The following ATP8B1 variants were observed in gnomAD, a reference collection of about 807,000 sequenced individuals.
ATP8B1 encodes ATPase phospholipid transporting 8B1.
Under a neutral mutation model 149.9 loss-of-function variants are expected in ATP8B1, and 80 were observed. The observed-to-expected ratio is 0.53, with a 90% CI of 0.45 to 0.64. ATP8B1 has a LOEUF of 0.64. Among genes scored for constraint, ATP8B1 ranks in the 30% least tolerant of loss-of-function variants. The pLI is 0.00. For missense variants in ATP8B1, 1,247 were observed against 1,552.6 expected, an observed-to-expected ratio of 0.80 and a Z score of 3.31; for synonymous variants, 536 against 562.8, an observed-to-expected ratio of 0.95 and a Z score of 0.67.
chr18:57,736,619 C>A (rs1258161733), intron 1 of ATP8B1, among the ~76,000 whole-genome samples: 2 of 91,950 alleles, frequency 2.2e-5, no homozygotes, highest in Non-Finnish European at 4.0e-5. Context: ...TGCCACCATG[C>A]CTATTTTTTT....
chr18:57,798,287 G>C, intron 1 of ATP8B1, among the ~76,000 whole-genome samples: 1 of 151,982 alleles, frequency 6.6e-6, no homozygotes, highest in East Asian at 1.9e-4. Flanking sequence ...AAAAAACCAG[G>C]AGTGTGGGTC....
intron 1 of ATP8B1, among the ~76,000 whole-genome samples, chr18:57,756,192 CATATATAT>C (rs147263393): frequency 0.011 from 951 of 84,742 alleles, 60 homozygotes; most frequent in African/African-American, 0.04. Flanking sequence ...ATTTCCACAA[CATATATAT>C]ATATATATAT....
intron 1 of ATP8B1, among the ~76,000 whole-genome samples, chr18:57,756,897 T>C (rs1307042835): frequency 6.6e-6 from 1 of 152,238 alleles, no homozygotes; most frequent in Non-Finnish European, 1.5e-5. Context: ...GTATGTATTT[T>C]TTGAACTTGT....
At chr18:57,680,402 A>C (rs1346477663) in intron 15 of ATP8B1, among the ~76,000 whole-genome samples, 1 of 149,832 alleles carries the variant, frequency 6.7e-6, no homozygotes, top group East Asian at 2.0e-4. Context: ...CCTGACCAAC[A>C]TGGAGAAACC....
At chr18:57,696,984 G>C (rs1912848278) in intron 8 of ATP8B1, among the ~76,000 whole-genome samples, 1 of 152,182 alleles carries the variant, frequency 6.6e-6, no homozygotes, top group Non-Finnish European at 1.5e-5. Flanking sequence ...CCTGGGGCCA[G>C]CTGCTGTGGC....
intron 1 of ATP8B1, among the ~76,000 whole-genome samples, chr18:57,795,014 A>T (rs2080499256): frequency 6.6e-6 from 1 of 152,146 alleles, no homozygotes; most frequent in Admixed American, 6.5e-5. Flanking sequence ...TATGAAGGAT[A>T]CATTTTACCA....
rs2080364834 is a variant in ATP8B1, at chr18:57,782,413, A to G, written c.-26+20585T>C. Among the ~76,000 whole-genome samples, 5 of 152,250 alleles carry G rather than the reference A, an allele frequency of 3.3e-5. No individual in the cohort carries two copies. In the South Asian group the frequency reaches 1.0e-3, roughly 32 times the overall value. On this transcript the variant is annotated intron_variant, in intron 1 of 27. Coordinates refer to ENST00000648908, the MANE Select transcript of ATP8B1 (RefSeq NM_001374385.1). ...TAGACATTTCCATAAACCCAAGTAA[A>G]TTTTTTATTATGCGTGTAGGCATCC...
In ATP8B1 at chr18:57,646,746, C is replaced by T. The variant is rs1909202328; in HGVS notation, c.*1742G>A. On this transcript the variant is annotated 3_prime_UTR_variant, in exon 28 of 28. Coordinates refer to ENST00000648908, the MANE Select transcript of ATP8B1 (RefSeq NM_001374385.1). ...TTGTAAACGTTCAGGATTTTACTTC[C>T]ACAGAATAAAAAGCCATACATTCTT... 1 of 152,462 alleles carries T rather than the reference C, an allele frequency of 6.6e-6. No homozygotes were observed. The highest frequency in any genetic ancestry group is 1.5e-5 in the Non-Finnish European group (1 of 68,010). The allele number at this position is 152,462 out of a possible 1,614,324, so 9.4% of individuals were successfully genotyped here.
rs142730276 is a variant in ATP8B1, at chr18:57,680,719, A to G, written c.1630+3317T>C. 2.0e-3 allele frequency among the ~76,000 whole-genome samples: 298 copies of G among 151,250 alleles called. 10 individuals are homozygous for G. In the East Asian group the frequency reaches 0.049, roughly 25 times the overall value. ...TTAAATGATTTGCCAAGTGTCTCCC[A>G]CATCCATGGCTTTGTTATCCTTCCC... On this transcript the variant is annotated intron_variant, in intron 15 of 27. Coordinates refer to ENST00000648908, the MANE Select transcript of ATP8B1 (RefSeq NM_001374385.1).
intron 25 of ATP8B1, 73 bp downstream of exon 25, chr18:57,652,411 G>A (rs1211343028): frequency 6.3e-7 from 1 of 1,590,822 alleles, no homozygotes; most frequent in Non-Finnish European, 8.6e-7. Flanking sequence ...AGGTGGATGT[G>A]CATGCCACCC....
Position 57,780,012 on chromosome 18 carries a change from A to G in ATP8B1, c.-26+22986T>C, listed in dbSNP as rs370564139. ...AACCTGTTATAAATCACCACGGCAT[A>G]TAAATGTTAGAGCTTAGATGCTGAA... On this transcript the variant is annotated intron_variant, in intron 1 of 27. Transcript: ENST00000648908. Among the ~76,000 whole-genome samples the G allele has an allele frequency of 5.0e-4, 76 of 152,350 alleles. No homozygotes were observed. In the East Asian group the frequency reaches 6.9e-3, roughly 14 times the overall value.
At chr18:57,664,701 T>G (rs536839886) in intron 20 of ATP8B1, among the ~76,000 whole-genome samples, 1 of 152,306 alleles carries the variant, frequency 6.6e-6, no homozygotes, top group African/African-American at 2.4e-5. Context: ...TTTCATGTGA[T>G]AGAAAAATGA....
At chr18:57,758,756 G>C (rs2080112410) in intron 1 of ATP8B1, among the ~76,000 whole-genome samples, 1 of 151,392 alleles carries the variant, frequency 6.6e-6, no homozygotes, top group Admixed American at 6.6e-5. Flanking sequence ...TTTTCACTTA[G>C]CAATATCTCC....
Position 57,775,715 on chromosome 18 carries a change from G to A in ATP8B1, c.-26+27283C>T, listed in dbSNP as rs140178986. Among the ~76,000 whole-genome samples, 61 of 148,724 alleles carry A rather than the reference G, an allele frequency of 4.1e-4. 2 individuals are homozygous for A. The East Asian group carries it at 0.012, about 29-fold the overall frequency. On this transcript the variant is annotated intron_variant, in intron 1 of 27. Coordinates refer to ENST00000648908, the MANE Select transcript of ATP8B1 (RefSeq NM_001374385.1). Reference sequence around the variant, plus strand: ...GCTGGAGTGCAATGGTGCATTCTCAGCTCACTGCAACCTCCACCTCCTGGG... The same window carrying A: ...GCTGGAGTGCAATGGTGCATTCTCAACTCACTGCAACCTCCACCTCCTGGG...
intron 1 of ATP8B1, chr18:57,801,843 G>A (rs2080578767): frequency 6.6e-6 from 1 of 152,210 alleles, no homozygotes; most frequent in South Asian, 2.1e-4. Flanking sequence ...GAACTCGGCG[G>A]CGTCTGGAGC....
At chr18:57,795,388 G>C (rs2080504470) in intron 1 of ATP8B1, among the ~76,000 whole-genome samples, 1 of 152,118 alleles carries the variant, frequency 6.6e-6, no homozygotes, top group Admixed American at 6.5e-5. Context: ...GGGCAACAGA[G>C]TGAGACCTTG....
intron 15 of ATP8B1, among the ~76,000 whole-genome samples, chr18:57,681,912 A>C (rs1289151790): frequency 6.6e-6 from 1 of 152,100 alleles, no homozygotes; most frequent in Non-Finnish European, 1.5e-5. Context: ...AAGCTCCTGC[A>C]CTAGAAGCCA....
chr18:57,687,181 T>A (rs1912292321), intron 13 of ATP8B1, among the ~76,000 whole-genome samples: 1 of 152,182 alleles, frequency 6.6e-6, no homozygotes, highest in South Asian at 2.1e-4. Context: ...ATATTCACAC[T>A]GTTGTGCAGC....
At chr18:57,715,436 CAG>C (rs781467826) in intron 2 of ATP8B1, among the ~76,000 whole-genome samples, 10 of 151,936 alleles carry the variant, frequency 6.6e-5, no homozygotes, top group Non-Finnish European at 1.3e-4. Flanking sequence ...GAGAAAGAGA[CAG>C]GGGTAGAAAG....
Sources: gnomAD v4.1 joint callset for allele counts (sites outside exome capture counted in the v4.1 genomes callset) on GRCh38, gnomAD v4.1.1 for gene constraint, MANE v1.5 for transcripts, NCBI Gene and HGNC (gene_info 2026-07-23, HGNC 2026-07-21) for gene names.